Variants in USO1 observed in about 807,000 individuals in gnomAD.
The protein encoded by USO1 is general vesicular transport factor p115.
A neutral mutation model predicts 124.5 loss-of-function variants in USO1; 57 were observed. That is an observed-to-expected ratio of 0.46 (90% CI 0.37 to 0.57). USO1 has a LOEUF of 0.57. USO1 is among the 20% of genes least tolerant of loss of function. USO1 has a pLI of 0.00. For synonymous variants in USO1, 369 were observed against 362.8 expected (o/e 1.02, Z -0.19); for missense variants, 900 against 1,040.6 (o/e 0.86, Z 1.86).
At chr4:75,805,564 G>A (rs972711328) in intron 19 of USO1, among the ~76,000 whole-genome samples, 5 of 151,998 alleles carry the variant, frequency 3.3e-5, no homozygotes, top group Admixed American at 1.3e-4. Flanking sequence ...AAAATTAGCC[G>A]GGCATGGTGG....
chr4:75,809,512 G>T (rs1349101080), intron 21 of USO1, among the ~76,000 whole-genome samples: 1 of 152,098 alleles, frequency 6.6e-6, no homozygotes, highest in Admixed American at 6.5e-5. Context: ...AAACCAGGCT[G>T]CACTCCAACA....
intron 21 of USO1, among the ~76,000 whole-genome samples, chr4:75,809,569 G>A (rs1723087711): frequency 6.6e-6 from 1 of 152,134 alleles, no homozygotes. Context: ...TTATTTACAA[G>A]TTCTGCTGTC....
chr4:75,787,796 T>C (rs1722405310), intron 10 of USO1, among the ~76,000 whole-genome samples: 1 of 152,212 alleles, frequency 6.6e-6, no homozygotes, highest in Admixed American at 6.5e-5. Context: ...ATGGAATTTA[T>C]ATTTAAATCA....
rs34689475 is a variant in USO1 at position 75,747,900 on chromosome 4, C to CTT, written c.67-4450_67-4449dup. Among the ~76,000 whole-genome samples the CTT allele has an allele frequency of 8.9e-3, 395 of 44,322 alleles. 10 individuals carry two copies. The highest frequency in any genetic ancestry group is 0.023 in the Middle Eastern group (1 of 44). The allele number at this position is 44,322 out of a possible 152,430, so 29.1% of individuals were successfully genotyped here. A position where few individuals can be genotyped will look rare whatever the true frequency, so the allele number is the denominator to read the frequency against. ...AGAGTGCTGAGCCACCTCACCTGGC[C>CTT]TTTTTTTTTTTTTTTTTTTTTTTTG... On this transcript the variant is annotated intron_variant, in intron 1 of 23. Coordinates refer to ENST00000514213, the MANE Select transcript of USO1 (RefSeq NM_003715.4).
intron 1 of USO1, among the ~76,000 whole-genome samples, chr4:75,741,066 T>G (rs996866302): frequency 2.6e-5 from 4 of 152,118 alleles, no homozygotes; most frequent in African/African-American, 9.7e-5. Context: ...CATCCTAGAG[T>G]GTACTTAAAG....
chr4:75,744,763 A>C (rs1179570323), intron 1 of USO1: 2 of 276,904 alleles, frequency 7.2e-6, no homozygotes, highest in South Asian at 3.1e-5. Context: ...ATCTGAATAC[A>C]TGATTGTTTA....
rs79101947 is a variant in USO1 at position 75,740,819 on chromosome 4, G to A, written c.67-11554G>A. On this transcript the variant is annotated intron_variant, in intron 1 of 23. Transcript: ENST00000514213. ...TGCTTGCTGTAAATAATCCAAATCA[G>A]TATGTAGTCTAAAATTGCCTCTTTC... 2.3e-4 allele frequency among the ~76,000 whole-genome samples: 35 copies of A among 152,198 alleles called. 1 individual carries two copies. In the South Asian group the frequency reaches 6.8e-3, roughly 30 times the overall value.
intron 1 of USO1, among the ~76,000 whole-genome samples, chr4:75,730,325 GACC>G (rs1720594009): frequency 6.6e-6 from 1 of 152,094 alleles, no homozygotes. Context: ...TGTGTGCAAC[GACC>G]ACTAACAAAG....
intron 8 of USO1, among the ~76,000 whole-genome samples, chr4:75,779,274 C>T (rs1317317106): frequency 6.6e-6 from 1 of 152,088 alleles, no homozygotes; most frequent in Non-Finnish European, 1.5e-5. Context: ...AAATTAATAA[C>T]CCTACAGTGG....
In USO1 at chr4:75,763,057, C is replaced by G. The variant is rs80305880; in HGVS notation, c.295+5484C>G. 2.0e-3 allele frequency among the ~76,000 whole-genome samples: 311 copies of G among 152,298 alleles called. 6 individuals carry two copies. The East Asian group carries it at 0.044, about 22-fold the overall frequency. ...GATATCTCCTTTTATAAAGCAATTT[C>G]TTTTCTTCATAATATAGATTGTGAA... On this transcript the variant is annotated intron_variant, in intron 4 of 23. Coordinates refer to ENST00000514213, the MANE Select transcript of USO1 (RefSeq NM_003715.4).
chr4:75,790,364 C>G, intron 11 of USO1, 126 bp downstream of exon 11: 1 of 1,290,546 alleles, frequency 7.7e-7, no homozygotes, highest in Non-Finnish European at 1.0e-6. Context: ...TAGAAATTAT[C>G]TGACAAGATA....
chr4:75,804,641 C>T (rs904994638), intron 18 of USO1, among the ~76,000 whole-genome samples: 1 of 152,142 alleles, frequency 6.6e-6, no homozygotes, highest in Non-Finnish European at 1.5e-5. Flanking sequence ...ATAAGCCCAC[C>T]AGGTGATTCT....
chr4:75,734,718 C>CTTTTTTTTTTTT lies in USO1; in HGVS notation c.66+9850_66+9861dup, dbSNP rs55928639. 1.3e-3 allele frequency among the ~76,000 whole-genome samples: 64 copies of CTTTTTTTTTTTT among 47,464 alleles called. 17 individuals carry two copies. Among genetic ancestry groups the CTTTTTTTTTTTT allele is most frequent in the Non-Finnish European group, 1.6e-3 (46 of 28,020 alleles). The allele number at this position is 47,464 out of a possible 152,430, so 31.1% of individuals were successfully genotyped here. On this transcript the variant is annotated intron_variant, in intron 1 of 23. Transcript: ENST00000514213. ...CTGTAGATTGCTTTGGGCAGTATGG[C>CTTTTTTTTTTTT]TTTTTTTTTTTTTTTTTTTTTTTTT...
At chr4:75,786,949 C>G in intron 9 of USO1, 113 bp from the exon 10 acceptor site, 1 of 1,258,308 alleles carries the variant, frequency 7.9e-7, no homozygotes, top group African/African-American at 1.6e-5. Context: ...CTAAATGTAG[C>G]TAAGCAGCTA....
At chr4:75,725,003 C>A in intron 1 of USO1, 118 bp downstream of exon 1, 2 of 1,063,096 alleles carry the variant, frequency 1.9e-6, no homozygotes, top group Non-Finnish European at 2.8e-6. Context: ...ATCCACATGC[C>A]GCCTCCCCCT....
chr4:75,743,781 A>G (rs1042338319), intron 1 of USO1, among the ~76,000 whole-genome samples: 4 of 152,072 alleles, frequency 2.6e-5, no homozygotes, highest in Non-Finnish European at 5.9e-5. Context: ...CATCACATAC[A>G]AGCCCTTTTT....
At chr4:75,801,474 T>C (rs540621738) in intron 17 of USO1, among the ~76,000 whole-genome samples, 1 of 152,220 alleles carries the variant, frequency 6.6e-6, no homozygotes, top group Admixed American at 6.5e-5. Context: ...TGAACTTTCA[T>C]TACTTGCATT....
chr4:75,799,771 A>G (rs763985283), intron 14 of USO1, 39 bp downstream of exon 14: 1 of 1,604,202 alleles, frequency 6.2e-7, no homozygotes, highest in Non-Finnish European at 8.5e-7. Context: ...GTAAGTATTT[A>G]TATCTTTTTT....
chr4:75,810,793 C>A (rs900424064), intron 22 of USO1, among the ~76,000 whole-genome samples: 1 of 152,096 alleles, frequency 6.6e-6, no homozygotes, highest in African/African-American at 2.4e-5. Context: ...TACAGTGGCG[C>A]GATCTCGGCT....
Sources: gnomAD v4.1 joint callset for allele counts (sites outside exome capture counted in the v4.1 genomes callset) on GRCh38, gnomAD v4.1.1 for gene constraint, MANE v1.5 for transcripts, NCBI Gene and HGNC (gene_info 2026-07-23, HGNC 2026-07-21) for gene names.